FAT1: variants seen among roughly 807,000 people sequenced by gnomAD.
The protein encoded by FAT1 is protocadherin Fat 1.
A neutral mutation model predicts 329.8 loss-of-function variants in FAT1; 171 were observed. The observed-to-expected ratio is 0.52, with a 90% CI of 0.46 to 0.59. The LOEUF is 0.59. Ranked by LOEUF, FAT1 falls within the 20% of genes least tolerant of loss-of-function variation. The pLI is 0.00. For synonymous variants in FAT1, 2,233 were observed against 2,228.6 expected, an observed-to-expected ratio of 1.00 and a Z score of -0.06; for missense variants, 5,672 against 5,774.4, an observed-to-expected ratio of 0.98 and a Z score of 0.57.
At chr4:186,621,955 A>G (rs2126528916) in intron 9 of FAT1, among the ~76,000 whole-genome samples, 180 bp from the exon 10 acceptor site, 1 of 152,376 alleles carries the variant, frequency 6.6e-6, no homozygotes, top group African/African-American at 2.4e-5. Flanking sequence ...ACCTAAAACC[A>G]GGTATACTTT....
At chr4:186,693,054 CT>C (rs796285172) in intron 2 of FAT1, among the ~76,000 whole-genome samples, 13 of 152,302 alleles carry the variant, frequency 8.5e-5, no homozygotes, top group African/African-American at 2.4e-4. Flanking sequence ...AAGCATCCCC[CT>C]GGTATCTCTG....
chr4:186,684,592 A>T (rs1374623637), intron 2 of FAT1, among the ~76,000 whole-genome samples: 1 of 152,046 alleles, frequency 6.6e-6, no homozygotes, highest in East Asian at 1.9e-4. Context: ...AATAATTACC[A>T]TGTATTTTCT....
chr4:186,606,095 C>A lies in FAT1; in HGVS notation c.10325G>T (p.Arg3442Met), dbSNP rs766397697. 6.2e-7 allele frequency: 1 copy of A among 1,613,228 alleles called. No individual in the cohort carries two copies. The highest frequency in any genetic ancestry group is 8.5e-7 in the Non-Finnish European group (1 of 1,179,794). ...CTGGATAATGACACTGTAGTTTCCCCTGGAGAAGACGGGCGCGTTGTCATT... is the reference window on the plus strand; with the variant it reads ...CTGGATAATGACACTGTAGTTTCCCATGGAGAAGACGGGCGCGTTGTCATT... ...DVNDNAPVFSRGNYSVIIQEN... is the reference protein window; with the variant it reads ...DVNDNAPVFSMGNYSVIIQEN... The change falls in exon 17 of 27, where the codon AGG becomes ATG. Residue 3442 changes from arginine (R) to methionine (M), a missense_variant. This residue lies in a region of FAT1 where 1,706 missense variants were observed against 1,859.1 expected (regional missense o/e 0.92). Coordinates refer to ENST00000441802, the MANE Select transcript of FAT1 (RefSeq NM_005245.4).
chr4:186,661,982 C>T (rs970816793), intron 3 of FAT1, among the ~76,000 whole-genome samples: 8 of 152,050 alleles, frequency 5.3e-5, no homozygotes, highest in South Asian at 4.2e-4. Flanking sequence ...CCAAGGTGTC[C>T]GCTGCTTGGT....
rs2126351059 is a variant in FAT1 at position 186,588,836 on chromosome 4, T to A, written c.13523A>T (p.Glu4508Val). 1.9e-6 allele frequency: 3 copies of A among 1,614,016 alleles called. No homozygotes were observed. The highest frequency in any genetic ancestry group is 2.5e-6 in the Non-Finnish European group (3 of 1,179,902). Residue 4508 changes from glutamate (E) to valine (V), a missense_variant, in exon 27 of 27, where the codon GAG becomes GTG. Transcript: ENST00000441802. The stretch of plus-strand genomic sequence containing the variant: ...ATGGGGTTCTCTACAAGTACTATTC[T>A]CACCAGTGCCTTTTGTTTGAGGTTC... ...MSEPQTKGTG[E>V]NSTCREPHAP...
In FAT1 at chr4:186,599,950, G is replaced by A. The variant is rs766532715; in HGVS notation, c.12051C>T (p.Cys4017=). 137 of 1,613,784 alleles carry A rather than the reference G, an allele frequency of 8.5e-5. No individual in the cohort carries two copies. The highest frequency in any genetic ancestry group is 3.3e-4 in the Middle Eastern group (2 of 6,040). Residue 4017 remains cysteine, a synonymous_variant, in exon 22 of 27, where the codon TGC becomes TGT. Transcript: ENST00000441802. ...PGCFLTATED[C]ASNPCQNGGV... Reference sequence around the variant, plus strand: ...CTCCATTCTGGCAAGGGTTGCTGGCGCAGTCTTCCGTGGCCGTCAGGAAGC... The same window carrying A: ...CTCCATTCTGGCAAGGGTTGCTGGCACAGTCTTCCGTGGCCGTCAGGAAGC...
chr4:186,635,325 G>C (rs1740775960), intron 6 of FAT1, among the ~76,000 whole-genome samples: 1 of 151,862 alleles, frequency 6.6e-6, no homozygotes, highest in Non-Finnish European at 1.5e-5. Flanking sequence ...AAAAATCTAA[G>C]ATGCAAACTC....
At chr4:186,695,760 A>AACACACACACACACACACACAC (rs34932295) in intron 2 of FAT1, among the ~76,000 whole-genome samples, 1 of 141,234 alleles carries the variant, frequency 7.1e-6, no homozygotes, top group Non-Finnish European at 1.5e-5. Context: ...TTATATATAA[A>AACACACACACACACACACACAC]ACACACACAC....
chr4:186,629,979 G>C (rs1296357805), intron 7 of FAT1, among the ~76,000 whole-genome samples: 3 of 152,186 alleles, frequency 2.0e-5, no homozygotes, highest in South Asian at 4.1e-4. Flanking sequence ...TTCCCATGTA[G>C]TGGGTACTGA....
chr4:186,706,925 T>G lies in FAT1; in HGVS notation c.2903A>C (p.Asp968Ala). 1 of 1,614,000 alleles carries G rather than the reference T, an allele frequency of 6.2e-7. No individual in the cohort carries two copies. The highest frequency in any genetic ancestry group is 8.5e-7 in the Non-Finnish European group (1 of 1,179,870). Residue 968 changes from aspartate (D) to alanine (A), a missense_variant, in exon 2 of 27, where the codon GAC becomes GCC. By Grantham distance (126) the Asp-to-Ala change is moderately radical. Around this residue, in one of 2 missense-constraint regions of FAT1, gnomAD observed 3,966 missense variants for 3,915.2 expected, o/e 1.01. Coordinates refer to ENST00000441802, the MANE Select transcript of FAT1 (RefSeq NM_005245.4). ...QSGQVRYSLL[D>A]HGEGNFDVDK... ...CACATCGAAGTTTCCTTCTCCGTGG[T>G]CCAGAAGGCTGTATCTCACCTGACC...
intron 3 of FAT1, among the ~76,000 whole-genome samples, chr4:186,654,915 CA>C (rs200887568): frequency 2.1e-4 from 28 of 134,626 alleles, no homozygotes; most frequent in South Asian, 2.5e-4. Context: ...TCTCGAAAAA[CA>C]AAAAAAAAAA....
chr4:186,639,667 C>T (rs1472464630), intron 4 of FAT1, 55 bp downstream of exon 4: 25 of 1,186,952 alleles, frequency 2.1e-5, no homozygotes, highest in Middle Eastern at 2.4e-4. Flanking sequence ...TTGTTCTTTC[C>T]CATGATACTT....
At chr4:186,591,360 A>C (rs983241750) in intron 26 of FAT1, among the ~76,000 whole-genome samples, 1 of 152,242 alleles carries the variant, frequency 6.6e-6, no homozygotes, top group African/African-American at 2.4e-5. Flanking sequence ...AATTTCAGTA[A>C]TTTTAAAAGA....
At chr4:186,671,686 G>A (rs1209267542) in intron 2 of FAT1, among the ~76,000 whole-genome samples, 4 of 150,676 alleles carry the variant, frequency 2.7e-5, no homozygotes, top group Non-Finnish European at 5.9e-5. Flanking sequence ...CAACAAGAGC[G>A]AAACTCCGTC....
chr4:186,595,480 A>G (rs1290977583), intron 26 of FAT1, among the ~76,000 whole-genome samples: 3 of 152,186 alleles, frequency 2.0e-5, no homozygotes, highest in African/African-American at 7.2e-5. Flanking sequence ...TCTATTACTG[A>G]CAAGTTCAAA....
In FAT1 at chr4:186,706,998, T is replaced by C. The variant is rs2126684712; in HGVS notation, c.2830A>G (p.Thr944Ala). 1.9e-6 allele frequency: 3 copies of C among 1,613,988 alleles called. No individual in the cohort carries two copies. Among genetic ancestry groups the C allele is most frequent in the Non-Finnish European group, 2.5e-6 (3 of 1,179,884 alleles). The change falls in exon 2 of 27, where the codon ACC (threonine) becomes GCC (alanine). Residue 944 changes from threonine to alanine, a missense_variant. Transcript: ENST00000441802. Reference protein sequence around the residue: ...VKVREDLPEGTVIMWLEAHDP... With the variant: ...VKVREDLPEGAVIMWLEAHDP... ...TGGGCTTCTAACCACATGATGACGG[T>C]TCCTTCTGGAAGATCCTCTCGGACT...
chr4:186,638,706 G>A (rs575791616), intron 4 of FAT1, among the ~76,000 whole-genome samples: 211 of 151,856 alleles, frequency 1.4e-3, no homozygotes, highest in African/African-American at 4.9e-3. Flanking sequence ...TTTGACCAAG[G>A]ATAAAATGAA....
intron 3 of FAT1, among the ~76,000 whole-genome samples, chr4:186,653,735 C>T (rs1477648747): frequency 6.6e-6 from 1 of 152,132 alleles, no homozygotes; most frequent in Non-Finnish European, 1.5e-5. Flanking sequence ...CAAAGTTTTA[C>T]TGGAACACAG....
chr4:186,686,718 T>C (rs1743488594), intron 2 of FAT1, among the ~76,000 whole-genome samples: 1 of 152,128 alleles, frequency 6.6e-6, no homozygotes, highest in Non-Finnish European at 1.5e-5. Context: ...AGGAACTGCT[T>C]ATTGCCTAGT....
Sources: gnomAD v4.1 joint callset for allele counts (sites outside exome capture counted in the v4.1 genomes callset) on GRCh38, gnomAD v4.1.1 for gene constraint, gnomAD v4.1.1 regional missense constraint, MANE v1.5 for transcripts, NCBI Gene and HGNC (gene_info 2026-07-23, HGNC 2026-07-21) for gene names.